CSNK1G1: variants seen among roughly 807,000 people sequenced by gnomAD.
CSNK1G1 encodes the protein casein kinase I isoform gamma-1.
Under a neutral mutation model 59.6 loss-of-function variants are expected in CSNK1G1, and 22 were observed. The observed-to-expected ratio is 0.37, with a 90% CI of 0.26 to 0.53. The LOEUF (loss-of-function observed/expected upper bound fraction) is 0.53, where lower values mean the gene tolerates loss of function less well. CSNK1G1 is among the 20% of genes least tolerant of loss of function. The pLI is 0.89. For missense variants in CSNK1G1, 384 were observed against 519.5 expected (o/e 0.74, Z 2.54); for synonymous variants, 179 against 177.1 (o/e 1.01, Z -0.08).
Position 64,307,684 on chromosome 15 carries a change from T to C in CSNK1G1, c.-224-6961A>G, listed in dbSNP as rs577961420. On this transcript the variant is annotated intron_variant, in intron 1 of 11. Coordinates refer to ENST00000303052, the MANE Select transcript of CSNK1G1 (RefSeq NM_022048.5). ...AAACATCTTGTCAGCAACTTACTTGTTTTTGATTTTGTTTTTGTTTGAGAC... is the reference window on the plus strand; with the variant it reads ...AAACATCTTGTCAGCAACTTACTTGCTTTTGATTTTGTTTTTGTTTGAGAC... Among the ~76,000 whole-genome samples, 7 of 152,196 alleles carry C rather than the reference T, an allele frequency of 4.6e-5. No homozygotes were observed. In the South Asian group the frequency reaches 1.5e-3, roughly 32 times the overall value.
rs148166410 is a variant in CSNK1G1, at chr15:64,197,624, T to A, written c.1107+5458A>T. On this transcript the variant is annotated intron_variant, in intron 10 of 11. Transcript: ENST00000303052. ...CAATTCTGTTTCATTTGCCCTACTA[T>A]AACCCATCTAGACTCCCTCTACATC... 3.9e-3 allele frequency among the ~76,000 whole-genome samples: 595 copies of A among 152,340 alleles called. 9 individuals are homozygous for A. Among genetic ancestry groups the A allele is most frequent in the Non-Finnish European group, 5.3e-3 (362 of 68,034 alleles).
At chr15:64,197,599 CA>C (rs1454854645) in intron 10 of CSNK1G1, among the ~76,000 whole-genome samples, 1 of 152,088 alleles carries the variant, frequency 6.6e-6, no homozygotes, top group Non-Finnish European at 1.5e-5. Flanking sequence ...TAGCATTGTT[CA>C]ATTCTGTTTC....
chr15:64,211,858 T>C (rs941079125), intron 6 of CSNK1G1, among the ~76,000 whole-genome samples: 1 of 152,226 alleles, frequency 6.6e-6, no homozygotes, highest in Admixed American at 6.5e-5. Flanking sequence ...GTTCTTGTCT[T>C]TCCTCTTAAG....
At position 64,214,382 on chromosome 15, in the gene CSNK1G1, T is replaced by C. The variant is rs2082284936; in HGVS notation, c.445-258A>G. ...AAAATGATAGCTCAATTTTACCTCA[T>C]AATGTCACAATTTGCAAATGACAAA... On this transcript the variant is annotated intron_variant, in intron 5 of 11. Transcript: ENST00000303052. The surrounding 1 kb of genome is among the most constrained non-coding windows in gnomAD (Gnocchi z 4.3). 6.6e-6 allele frequency among the ~76,000 whole-genome samples: 1 copy of C among 152,204 alleles called. No individual in the cohort carries two copies. The highest frequency in any genetic ancestry group is 2.4e-5 in the African/African-American group (1 of 41,454).
chr15:64,261,054 C>T (rs1892662155), intron 2 of CSNK1G1, among the ~76,000 whole-genome samples: 1 of 152,092 alleles, frequency 6.6e-6, no homozygotes, highest in South Asian at 2.1e-4. Flanking sequence ...TTTGCATTAA[C>T]CTTCTAAAGG....
At chr15:64,217,118 ACT>A (rs2140269450) in intron 4 of CSNK1G1, among the ~76,000 whole-genome samples, 1 of 152,304 alleles carries the variant, frequency 6.6e-6, no homozygotes, top group South Asian at 2.1e-4. Context: ...GTTCATGAGC[ACT>A]CTCTATGCTT....
chr15:64,240,356 A>G (rs892312354), intron 4 of CSNK1G1, among the ~76,000 whole-genome samples: 11 of 152,210 alleles, frequency 7.2e-5, no homozygotes, highest in African/African-American at 2.4e-4. Context: ...AGAGATGAAA[A>G]AAGGCATAGA....
intron 1 of CSNK1G1, among the ~76,000 whole-genome samples, chr15:64,307,099 A>T (rs1895720163): frequency 6.6e-6 from 1 of 152,232 alleles, no homozygotes; most frequent in South Asian, 2.1e-4. Context: ...CATAGAATGT[A>T]TAATACAAAT....
chr15:64,190,907 G>C (rs1026698688), intron 10 of CSNK1G1, among the ~76,000 whole-genome samples: 1 of 151,766 alleles, frequency 6.6e-6, no homozygotes, highest in Non-Finnish European at 1.5e-5. Flanking sequence ...TAATATTTAA[G>C]CTCTTAAACT....
At chr15:64,265,978 G>C in intron 2 of CSNK1G1, 3 of 338,720 alleles carry the variant, frequency 8.9e-6, no homozygotes, top group Non-Finnish European at 1.8e-5. Context: ...TAGCTAGTAG[G>C]TAGACTGAGA....
At chr15:64,206,166 G>T (rs998977373) in intron 7 of CSNK1G1, among the ~76,000 whole-genome samples, 3 of 152,084 alleles carry the variant, frequency 2.0e-5, no homozygotes, top group African/African-American at 7.2e-5. Context: ...AATTGGCTGG[G>T]TGCAGTGGCT....
At chr15:64,241,844 G>A (rs1891478513) in intron 4 of CSNK1G1, among the ~76,000 whole-genome samples, 1 of 149,484 alleles carries the variant, frequency 6.7e-6, no homozygotes, top group Admixed American at 6.6e-5. Context: ...AGTAGAAGGA[G>A]AGAAATAATA....
intron 1 of CSNK1G1, among the ~76,000 whole-genome samples, chr15:64,321,258 CTTT>C (rs371870605): frequency 8.6e-5 from 12 of 140,038 alleles, no homozygotes; most frequent in African/African-American, 1.6e-4. Context: ...TCTTTTTTTC[CTTT>C]TTTTTTTTTT....
intron 1 of CSNK1G1, among the ~76,000 whole-genome samples, chr15:64,302,055 T>C (rs1895375718): frequency 1.3e-5 from 2 of 152,208 alleles, no homozygotes; most frequent in Admixed American, 1.3e-4. Context: ...CAGCTGACTG[T>C]ACAAGTGGGC....
chr15:64,259,886 C>G (rs771043853), intron 2 of CSNK1G1, among the ~76,000 whole-genome samples: 1 of 152,204 alleles, frequency 6.6e-6, no homozygotes, highest in Non-Finnish European at 1.5e-5. Context: ...TCTCAAAGTT[C>G]TTCCTGCAAT....
chr15:64,251,627 A>AT, intron 3 of CSNK1G1, 46 bp from the exon 4 acceptor site: 1 of 1,390,334 alleles, frequency 7.2e-7, no homozygotes, highest in South Asian at 1.2e-5. Context: ...AACAAATGGG[A>AT]TTTTTCCATT....
chr15:64,352,010 C>T lies in CSNK1G1; in HGVS notation c.-225+3978G>A, dbSNP rs531874330. ...TTTAAAGGATGATAAAAAAATGATA[C>T]GAGAAAACACAGCAGGCCGGGCAGG... is the stretch of plus-strand genomic sequence containing the variant. On this transcript the variant is annotated intron_variant, in intron 1 of 11. Transcript: ENST00000303052. Among the ~76,000 whole-genome samples, 8 of 152,082 alleles carry T rather than the reference C, an allele frequency of 5.3e-5. No individual in the cohort carries two copies. In the East Asian group the frequency reaches 1.5e-3, roughly 29 times the overall value.
At position 64,300,307 on chromosome 15, in the gene CSNK1G1, C is replaced by G. The variant is rs1275259841; in HGVS notation, c.181+12G>C. ...TTGTTAGTAGAAGTCACTGACATAA[C>G]CAAGTGCTTACCTAATCTGAGCTCT... On this transcript the variant is annotated intron_variant, in intron 2 of 11. Transcript: ENST00000303052. 2.4e-5 allele frequency: 38 copies of G among 1,613,038 alleles called. No individual in the cohort carries two copies. The highest frequency in any genetic ancestry group is 3.1e-5 in the Non-Finnish European group (37 of 1,179,218).
chr15:64,286,001 C>A (rs1030923554), intron 2 of CSNK1G1, among the ~76,000 whole-genome samples: 1 of 152,196 alleles, frequency 6.6e-6, no homozygotes, highest in Non-Finnish European at 1.5e-5. Flanking sequence ...CTGAACGACC[C>A]CTGTGGATCT....
Sources: allele counts gnomAD v4.1 joint callset (sites outside exome capture counted in the v4.1 genomes callset), GRCh38; gene constraint gnomAD v4.1.1; non-coding constraint Gnocchi (gnomAD v3.1); transcripts MANE v1.5; gene names NCBI Gene and HGNC (gene_info 2026-07-23, HGNC 2026-07-21).